Variants in DNAH3 observed in about 807,000 individuals in gnomAD.
DNAH3 encodes dynein axonemal heavy chain 3.
DNAH3 carries 332 observed loss-of-function variants against 432.5 expected under a neutral mutation model. The observed-to-expected ratio is 0.77, with a 90% CI of 0.70 to 0.84. The LOEUF (loss-of-function observed/expected upper bound fraction) is 0.84, where lower values mean the gene tolerates loss of function less well. DNAH3 is among the 40% of genes least tolerant of loss of function. The pLI, the probability that DNAH3 is intolerant of heterozygous loss-of-function variation, is 0.00. For missense variants in DNAH3, 4,861 were observed against 5,114.0 expected (o/e 0.95, Z 1.51); for synonymous variants, 1,956 against 1,900.2 (o/e 1.03, Z -0.76).
chr16:21,132,525 C>T (rs1170038174), intron 7 of DNAH3, among the ~76,000 whole-genome samples: 3 of 152,234 alleles, frequency 2.0e-5, no homozygotes, highest in East Asian at 1.9e-4. Context: ...AAACAAATGT[C>T]GGATAGCCAT....
At chr16:20,943,258 T>C (rs2083897047) in intron 58 of DNAH3, among the ~76,000 whole-genome samples, 1 of 151,918 alleles carries the variant, frequency 6.6e-6, no homozygotes, top group South Asian at 2.1e-4. Context: ...TTTTTTTTTT[T>C]GTATAGACGG....
rs759565990 is a variant in DNAH3, at chr16:21,120,934, G to A, written c.1585-80C>T. 4 of 1,058,190 alleles carry A rather than the reference G, an allele frequency of 3.8e-6. No individual in the cohort carries two copies. The Admixed American group carries it at 7.9e-5, about 21-fold the overall frequency. The allele number at this position is 1,058,190 out of a possible 1,614,324, so 65.6% of individuals were successfully genotyped here. ...TAGGGATACTGGTTGTAGGAGAGCTGCCCAGTGTTTCTTCTCCTCCCACAC... is the reference window on the plus strand; with the variant it reads ...TAGGGATACTGGTTGTAGGAGAGCTACCCAGTGTTTCTTCTCCTCCCACAC... On this transcript the variant is annotated intron_variant, in intron 10 of 61. Coordinates refer to ENST00000261383, the Ensembl canonical transcript of DNAH3.
At chr16:21,048,998 CT>C (rs551831840) in intron 31 of DNAH3, among the ~76,000 whole-genome samples, 2,628 of 142,752 alleles carry the variant, frequency 0.018, 41 homozygotes, top group Middle Eastern at 0.037. Context: ...TCAGCCAAGA[CT>C]TTTTTTTTTT....
intron 58 of DNAH3, among the ~76,000 whole-genome samples, chr16:20,943,949 G>A (rs1252269083): frequency 2.0e-5 from 3 of 151,110 alleles, no homozygotes; most frequent in Admixed American, 1.3e-4. Context: ...ACGCCACTGC[G>A]CTCCAGCCTA....
In DNAH3 at chr16:21,039,213, G is replaced by GTTTTTTT. The variant is rs1567681489; in HGVS notation, c.4730+638_4730+639insAAAAAAA. On this transcript the variant is annotated intron_variant, in intron 33 of 61. Transcript: ENST00000261383. Reference sequence around the variant, plus strand: ...ATAATTGCATATGTTTTATAGTGTTGCTTTTTTTTTTTTTTTTTTTTTTGA... The same window carrying GTTTTTTT: ...ATAATTGCATATGTTTTATAGTGTTGTTTTTTTCTTTTTTTTTTTTTTTTTTTTTTGA... 1.4e-4 allele frequency among the ~76,000 whole-genome samples: 14 copies of GTTTTTTT among 103,624 alleles called. 1 individual carries two copies. The highest frequency in any genetic ancestry group is 1.6e-4 in the African/African-American group (4 of 25,572). The allele number at this position is 103,624 out of a possible 152,430, so 68.0% of individuals were successfully genotyped here. A position where few individuals can be genotyped will look rare whatever the true frequency, so the allele number is the denominator to read the frequency against.
At chr16:21,133,307 G>C (rs888977621) in intron 7 of DNAH3, among the ~76,000 whole-genome samples, 1 of 138,324 alleles carries the variant, frequency 7.2e-6, no homozygotes, top group African/African-American at 2.7e-5. Flanking sequence ...AGGTTGCAGT[G>C]AATCGAGATT....
At chr16:21,131,832 C>A (rs1443250266) in intron 7 of DNAH3, among the ~76,000 whole-genome samples, 4 of 107,324 alleles carry the variant, frequency 3.7e-5, no homozygotes, top group Non-Finnish European at 7.0e-5. Context: ...CCAGCCTGGG[C>A]AACAAGAGTG....
intron 38 of DNAH3, among the ~76,000 whole-genome samples, chr16:21,025,531 TAG>T (rs1203794301): frequency 6.7e-6 from 1 of 148,726 alleles, no homozygotes; most frequent in Non-Finnish European, 1.5e-5. Context: ...GATGTAATTA[TAG>T]ATATAATATA....
chr16:21,098,921 C>T (rs2091765622), intron 16 of DNAH3, 152 bp from the exon 17 acceptor site: 1 of 778,434 alleles, frequency 1.3e-6, no homozygotes, highest in Non-Finnish European at 2.0e-6. Flanking sequence ...ATCTTTCTCT[C>T]TCTCTCTCAA....
chr16:21,082,627 C>G (rs985689194), intron 19 of DNAH3, among the ~76,000 whole-genome samples: 16 of 151,876 alleles, frequency 1.1e-4, no homozygotes, highest in Non-Finnish European at 2.1e-4. Context: ...GTCAGGTGTT[C>G]AAGACCAGCC....
exon 54 of DNAH3, chr16:20,959,299 G>T (rs769646154): frequency 3.1e-6 from 5 of 1,614,214 alleles, no homozygotes; most frequent in Non-Finnish European, 4.2e-6. Flanking sequence ...GTCTTTGATG[G>T]CATTGTTGAT....
At chr16:20,968,851 C>A (rs935877572) in intron 52 of DNAH3, among the ~76,000 whole-genome samples, 1 of 151,302 alleles carries the variant, frequency 6.6e-6, no homozygotes, top group African/African-American at 2.4e-5. Flanking sequence ...CTCTGTCTCT[C>A]TTCTCTCTGG....
chr16:21,121,605 CTT>C (rs564709798), intron 10 of DNAH3, among the ~76,000 whole-genome samples: 9 of 120,096 alleles, frequency 7.5e-5, no homozygotes, highest in Non-Finnish European at 9.0e-5. Flanking sequence ...TTTCTTTTTT[CTT>C]TTTTTTTTTT....
At chr16:20,966,276 T>G (rs1168452256) in intron 52 of DNAH3, among the ~76,000 whole-genome samples, 1 of 151,586 alleles carries the variant, frequency 6.6e-6, no homozygotes, top group Non-Finnish European at 1.5e-5. Context: ...TGACCTCAGG[T>G]GATCCACCCA....
At chr16:20,985,793 C>T in intron 47 of DNAH3, 78 bp from the exon 48 acceptor site, 1 of 1,434,616 alleles carries the variant, frequency 7.0e-7, no homozygotes, top group Non-Finnish European at 9.5e-7. Context: ...GGAGGGAGGG[C>T]ATGGGAGACG....
intron 60 of DNAH3, among the ~76,000 whole-genome samples, chr16:20,935,925 T>C (rs866791918): frequency 1.3e-5 from 2 of 151,580 alleles, no homozygotes; most frequent in Non-Finnish European, 2.9e-5. Flanking sequence ...GTGGAGAATA[T>C]GTACCTTGTC....
At chr16:21,125,253 T>A (rs921318823) in exon 9 of DNAH3, 1 of 1,613,810 alleles carries the variant, frequency 6.2e-7, no homozygotes, top group African/African-American at 1.3e-5. Context: ...ACATGAATGA[T>A]GCCACAGAAG....
At chr16:20,963,772 A>T in exon 53 of DNAH3, 1 of 1,614,010 alleles carries the variant, frequency 6.2e-7, no homozygotes, top group Non-Finnish European at 8.5e-7. Flanking sequence ...AGAGAAGAGT[A>T]GCTTGTCCTT....
rs953649450 is a variant in DNAH3, at chr16:21,058,869, G to C, written c.3814-673C>G. Among the ~76,000 whole-genome samples the C allele has an allele frequency of 2.6e-5, 4 of 152,098 alleles. No individual in the cohort carries two copies. In the South Asian group the frequency reaches 8.3e-4, roughly 32 times the overall value. On this transcript the variant is annotated intron_variant, in intron 26 of 61. Transcript: ENST00000261383. ...GGGGGCAAGGAGAGGGAGAACATTAGGACAAATACCTAATGCATGCGGGGC... is the reference window on the plus strand; with the variant it reads ...GGGGGCAAGGAGAGGGAGAACATTACGACAAATACCTAATGCATGCGGGGC...
Sources: allele counts gnomAD v4.1 joint callset (sites outside exome capture counted in the v4.1 genomes callset), GRCh38; gene constraint gnomAD v4.1.1; transcripts MANE v1.5; gene names NCBI Gene and HGNC (gene_info 2026-07-23, HGNC 2026-07-21).